Variants in AFG1L observed in about 807,000 individuals in gnomAD.
AFG1L encodes AFG1 like ATPase, also known as AFG1-like ATPase.
A neutral mutation model predicts 62.2 loss-of-function variants in AFG1L; 53 were observed. The observed-to-expected ratio is 0.85, with a 90% CI of 0.68 to 1.07. The LOEUF (loss-of-function observed/expected upper bound fraction) is 1.07, where lower values mean the gene tolerates loss of function less well. AFG1L is among the 50% of genes least tolerant of loss of function. The pLI, the probability that AFG1L is intolerant of heterozygous loss-of-function variation, is 0.00. For synonymous variants in AFG1L, 228 were observed against 210.3 expected (o/e 1.08, Z -0.73); for missense variants, 555 against 590.5 (o/e 0.94, Z 0.62).
chr6:108,324,404 T>C (rs1374992247), intron 2 of AFG1L, among the ~76,000 whole-genome samples: 1 of 152,184 alleles, frequency 6.6e-6, no homozygotes, highest in African/African-American at 2.4e-5. Context: ...TCTTTCTCTG[T>C]TTGCCTGACA....
At chr6:108,340,750 G>A (rs1381084715) in intron 2 of AFG1L, among the ~76,000 whole-genome samples, 1 of 152,142 alleles carries the variant, frequency 6.6e-6, no homozygotes, top group Non-Finnish European at 1.5e-5. Context: ...AACACTGATA[G>A]AAGGTTGGAA....
intron 8 of AFG1L, among the ~76,000 whole-genome samples, chr6:108,452,373 C>T (rs1352602131): frequency 4.6e-5 from 7 of 152,130 alleles, no homozygotes; most frequent in African/African-American, 1.7e-4. Flanking sequence ...GAGAGGAGTT[C>T]ACATCACCCT....
intron 2 of AFG1L, among the ~76,000 whole-genome samples, chr6:108,331,937 C>T (rs778284917): frequency 2.0e-5 from 3 of 152,120 alleles, no homozygotes; most frequent in Non-Finnish European, 4.4e-5. Flanking sequence ...TGCCCTCTAC[C>T]AGATAATTTT....
chr6:108,510,254 G>C lies in AFG1L; in HGVS notation c.1105G>C (p.Asp369His). Residue 369 changes from aspartate to histidine, a missense_variant, in exon 11 of 13, where the codon GAT becomes CAT. Physicochemically the swap from Asp to His is moderately conservative, Grantham distance 81. Coordinates refer to ENST00000368977, the MANE Select transcript of AFG1L (RefSeq NM_145315.5). ...CTATTTGGAACTATCAAAGAATTTT[G>C]ATACAATATTTTTACGAAACATTCC... is the stretch of plus-strand genomic sequence containing the variant. ...SDYLELSKNFDTIFLRNIPQF... is the reference protein window; with the variant it reads ...SDYLELSKNFHTIFLRNIPQF... 1 of 1,611,860 alleles carries C rather than the reference G, an allele frequency of 6.2e-7. No individual in the cohort carries two copies. Among genetic ancestry groups the C allele is most frequent in the Non-Finnish European group, 8.5e-7 (1 of 1,178,816 alleles).
At chr6:108,417,083 A>G (rs1676174395) in intron 7 of AFG1L, among the ~76,000 whole-genome samples, 1 of 151,758 alleles carries the variant, frequency 6.6e-6, no homozygotes, top group South Asian at 2.1e-4. Flanking sequence ...AAAATAAAAA[A>G]TTTAGTCAGG....
chr6:108,388,146 G>C (rs889068734), intron 6 of AFG1L: 5 of 152,042 alleles, frequency 3.3e-5, no homozygotes, highest in African/African-American at 1.2e-4. Context: ...GGATGATTCT[G>C]GTCACTGCCA....
At chr6:108,453,911 A>G (rs1456812738) in intron 8 of AFG1L, among the ~76,000 whole-genome samples, 1 of 152,196 alleles carries the variant, frequency 6.6e-6, no homozygotes, top group African/African-American at 2.4e-5. Context: ...TCCTGTTTCA[A>G]TTCCCACTGA....
chr6:108,504,924 C>T (rs1172640111), intron 10 of AFG1L, among the ~76,000 whole-genome samples: 1 of 152,028 alleles, frequency 6.6e-6, no homozygotes, highest in East Asian at 1.9e-4. Flanking sequence ...CTGCCTGTAT[C>T]CCCCACTTTG....
In AFG1L at chr6:108,522,326, C is replaced by G. The variant is rs776358723; in HGVS notation, c.1347C>G (p.Thr449=). The G allele has an allele frequency of 6.8e-6, 11 of 1,612,994 alleles. No individual in the cohort carries two copies. In the Admixed American group the frequency reaches 1.7e-4, roughly 24 times the overall value. Residue 449 remains threonine (T), a synonymous_variant, in exon 13 of 13, where the codon ACC becomes ACG. Transcript: ENST00000368977. ...QDSAEGLSMF[T]GEEEIFAFQR... is the part of the protein sequence containing the mutation. ...CAGCAGAAGGACTCTCCATGTTTAC[C>G]GGAGAAGAGGAAATCTTTGCATTTC...
intron 1 of AFG1L, among the ~76,000 whole-genome samples, chr6:108,317,388 G>T (rs988708845): frequency 6.6e-5 from 10 of 152,160 alleles, no homozygotes; most frequent in Non-Finnish European, 1.5e-4. Flanking sequence ...AATAATAGGG[G>T]TGTGGAAATC....
At chr6:108,430,041 G>C (rs1771001156) in intron 7 of AFG1L, among the ~76,000 whole-genome samples, 1 of 151,990 alleles carries the variant, frequency 6.6e-6, no homozygotes, top group South Asian at 2.1e-4. Context: ...TCCACCTCCT[G>C]GGTTCAAGCA....
At chr6:108,354,396 C>G (rs933418468) in intron 3 of AFG1L, among the ~76,000 whole-genome samples, 1 of 152,006 alleles carries the variant, frequency 6.6e-6, no homozygotes, top group Admixed American at 6.6e-5. Flanking sequence ...CCTCCGCCTC[C>G]CAGGTTCAAG....
At chr6:108,504,006 C>T (rs1170226337) in intron 10 of AFG1L, among the ~76,000 whole-genome samples, 2 of 152,266 alleles carry the variant, frequency 1.3e-5, no homozygotes, top group Non-Finnish European at 2.9e-5. Flanking sequence ...GAGTCAGGGC[C>T]TTGCTCTGTG....
intron 7 of AFG1L, among the ~76,000 whole-genome samples, chr6:108,407,105 C>T (rs1364886049): frequency 2.0e-5 from 3 of 152,164 alleles, no homozygotes; most frequent in Non-Finnish European, 4.4e-5. Context: ...TCTGTGACAT[C>T]ACCCTGGCAG....
In AFG1L at chr6:108,327,274, T is replaced by C. The variant is rs762654649; in HGVS notation, c.363+3226T>C. On this transcript the variant is annotated intron_variant, in intron 2 of 12. Transcript: ENST00000368977. ...GAAATGGAGATTTAGAATAAGATTA[T>C]ATAAGAACATAGCAATGAAAGGCAT... 4.5e-4 allele frequency among the ~76,000 whole-genome samples: 68 copies of C among 152,192 alleles called. 1 individual carries two copies. Among genetic ancestry groups the C allele is most frequent in the Non-Finnish European group, 8.2e-4 (56 of 68,032 alleles).
At chr6:108,311,544 T>A (rs1422448454) in intron 1 of AFG1L, among the ~76,000 whole-genome samples, 1 of 152,180 alleles carries the variant, frequency 6.6e-6, no homozygotes, top group Non-Finnish European at 1.5e-5. Flanking sequence ...TTCTTTTTTT[T>A]GAGATAGATG....
Position 108,477,266 on chromosome 6 carries a change from T to C in AFG1L, c.1036T>C (p.Cys346Arg). The part of the protein sequence containing the change: ...LNKACGTVAD[C>R]TFEELCERPL... ...TAAAGCCTGTGGAACCGTTGCCGAC[T>C]GCACATTTGAAGAGCTGTGTGAGAG... The change falls in exon 10 of 13, where the codon TGC becomes CGC. Residue 346 changes from cysteine to arginine, a missense_variant. Coordinates refer to ENST00000368977, the MANE Select transcript of AFG1L (RefSeq NM_145315.5). The C allele has an allele frequency of 1.2e-6, 2 of 1,608,764 alleles. No individual in the cohort carries two copies. The highest frequency in any genetic ancestry group is 8.5e-7 in the Non-Finnish European group (1 of 1,176,348).
At chr6:108,385,039 C>T (rs1356086166) in intron 6 of AFG1L, among the ~76,000 whole-genome samples, 2 of 152,072 alleles carry the variant, frequency 1.3e-5, no homozygotes, top group Non-Finnish European at 2.9e-5. Context: ...GAAAAATTTC[C>T]AAATCTGAAA....
intron 7 of AFG1L, among the ~76,000 whole-genome samples, chr6:108,406,572 G>C (rs1234899197): frequency 1.3e-5 from 2 of 151,928 alleles, no homozygotes; most frequent in African/African-American, 4.8e-5. Context: ...CGAGTAGCTG[G>C]GATTACAGGC....
Sources: allele counts gnomAD v4.1 joint callset (sites outside exome capture counted in the v4.1 genomes callset), GRCh38; gene constraint gnomAD v4.1.1; transcripts MANE v1.5; gene names NCBI Gene and HGNC (gene_info 2026-07-23, HGNC 2026-07-21).